CNTNAP5: variants seen among roughly 807,000 people sequenced by gnomAD.
CNTNAP5 encodes the protein contactin associated protein family member 5.
A neutral mutation model predicts 150.2 loss-of-function variants in CNTNAP5; 72 were observed. That is an observed-to-expected ratio of 0.48 (90% confidence interval 0.40 to 0.58). The LOEUF is 0.58. CNTNAP5 is among the 20% of genes least tolerant of loss of function. The pLI is 0.00. For missense variants in CNTNAP5, 1,636 were observed against 1,626.2 expected (o/e 1.01, Z -0.10); for synonymous variants, 672 against 619.8 (o/e 1.08, Z -1.25).
chr2:124,487,087 C>A (rs974428211), intron 7 of CNTNAP5, among the ~76,000 whole-genome samples: 1 of 152,112 alleles, frequency 6.6e-6, no homozygotes, highest in Non-Finnish European at 1.5e-5. Context: ...AACAGTACAT[C>A]CACCCATGGG....
intron 16 of CNTNAP5, among the ~76,000 whole-genome samples, chr2:124,768,151 C>T (rs2104605608): frequency 6.6e-6 from 1 of 152,186 alleles, no homozygotes; most frequent in East Asian, 1.9e-4. Flanking sequence ...GGGAGACAAT[C>T]AATGAGGATT....
intron 7 of CNTNAP5, among the ~76,000 whole-genome samples, chr2:124,477,003 T>G (rs1297774074): frequency 6.6e-6 from 1 of 152,142 alleles, no homozygotes; most frequent in Non-Finnish European, 1.5e-5. Context: ...TTTCTTTTGG[T>G]CCCGAGATTT....
At chr2:124,150,804 T>C (rs532265317) in intron 1 of CNTNAP5, among the ~76,000 whole-genome samples, 68 of 152,280 alleles carry the variant, frequency 4.5e-4, no homozygotes, top group Admixed American at 9.8e-4. Flanking sequence ...TACCATCACA[T>C]TGGGAATTAA....
chr2:124,456,916 A>C (rs549690008), intron 6 of CNTNAP5, among the ~76,000 whole-genome samples: 1 of 152,360 alleles, frequency 6.6e-6, no homozygotes, highest in African/African-American at 2.4e-5. Context: ...AAGTCAACTC[A>C]ATGTGAATTA....
chr2:124,391,477 G>A (rs1196347805), intron 3 of CNTNAP5, among the ~76,000 whole-genome samples: 2 of 152,256 alleles, frequency 1.3e-5, no homozygotes, highest in Non-Finnish European at 2.9e-5. Flanking sequence ...GAAAGCAGCC[G>A]CCTCTCCTCA....
At chr2:124,331,396 A>G (rs1023367344) in intron 3 of CNTNAP5, among the ~76,000 whole-genome samples, 1 of 152,116 alleles carries the variant, frequency 6.6e-6, no homozygotes, top group African/African-American at 2.4e-5. Flanking sequence ...TATGAATAGT[A>G]TATCTATGCA....
intron 1 of CNTNAP5, among the ~76,000 whole-genome samples, chr2:124,073,227 T>C (rs960117506): frequency 6.6e-5 from 10 of 152,024 alleles, no homozygotes; most frequent in African/African-American, 2.4e-4. Context: ...AATTAAAGCC[T>C]TAACTTAAAG....
At chr2:124,871,638 G>T (rs570127959) in intron 21 of CNTNAP5, among the ~76,000 whole-genome samples, 1 of 152,192 alleles carries the variant, frequency 6.6e-6, no homozygotes, top group Non-Finnish European at 1.5e-5. Context: ...TGGCTTCCCC[G>T]GTTGCTACCA....
chr2:124,155,957 C>G (rs895824422), intron 1 of CNTNAP5, among the ~76,000 whole-genome samples: 4 of 152,218 alleles, frequency 2.6e-5, no homozygotes, highest in African/African-American at 4.8e-5. Flanking sequence ...CAAGCCTTTG[C>G]TCCACTGGAG....
At chr2:124,564,904 C>T (rs17320237) in intron 11 of CNTNAP5, among the ~76,000 whole-genome samples, 27,894 of 152,124 alleles carry the variant, frequency 0.18, 3,363 homozygotes, top group Non-Finnish European at 0.26. Flanking sequence ...GTGCAGCCAA[C>T]GCCTGGAGCT....
At chr2:124,361,804 A>G (rs1690207652) in intron 3 of CNTNAP5, among the ~76,000 whole-genome samples, 1 of 152,170 alleles carries the variant, frequency 6.6e-6, no homozygotes, top group African/African-American at 2.4e-5. Context: ...CTACAGAGGC[A>G]GGCAGGCCTC....
intron 19 of CNTNAP5, among the ~76,000 whole-genome samples, chr2:124,801,381 G>A (rs546521467): frequency 1.1e-3 from 170 of 152,238 alleles, no homozygotes; most frequent in African/African-American, 3.8e-3. Context: ...CTAACTAGAA[G>A]GGAGACTTTG....
At position 124,216,007 on chromosome 2, in the gene CNTNAP5, C is replaced by T. The variant is rs541144540; in HGVS notation, c.83-5698C>T. On this transcript the variant is annotated intron_variant, in intron 1 of 23. Transcript: ENST00000682447. The stretch of plus-strand genomic sequence containing the variant: ...ATAATCTTGGGCAGTCCTGTCATCT[C>T]CCTAAGCTCCCCCCAAACCCTTATA... 2.3e-3 allele frequency among the ~76,000 whole-genome samples: 355 copies of T among 152,052 alleles called. 1 individual carries two copies. Among genetic ancestry groups the T allele is most frequent in the Middle Eastern group, 0.02 (6 of 294 alleles).
At position 124,389,620 on chromosome 2, in the gene CNTNAP5, G is replaced by T. The variant is rs563431939; in HGVS notation, c.382-27823G>T. ...AAGGCATGTCTGCCTTCCACAAGTA[G>T]TAGAGATGCAAGTAAATAAAAGAAG... On this transcript the variant is annotated intron_variant, in intron 3 of 23. Transcript: ENST00000682447. 2.6e-5 allele frequency among the ~76,000 whole-genome samples: 4 copies of T among 152,308 alleles called. No homozygotes were observed. In the South Asian group the frequency reaches 8.3e-4, roughly 32 times the overall value.
At chr2:124,626,869 T>G (rs1677734580) in intron 12 of CNTNAP5, among the ~76,000 whole-genome samples, 1 of 151,932 alleles carries the variant, frequency 6.6e-6, no homozygotes, top group Admixed American at 6.6e-5. Flanking sequence ...GAGTTCCCGG[T>G]GGGAGGAGTG....
At chr2:124,304,895 C>A (rs1688644688) in intron 3 of CNTNAP5, among the ~76,000 whole-genome samples, 1 of 151,962 alleles carries the variant, frequency 6.6e-6, no homozygotes. Flanking sequence ...AGCCCTGGCC[C>A]CCAAGGAGTC....
At chr2:124,191,736 G>A (rs1056640162) in intron 1 of CNTNAP5, among the ~76,000 whole-genome samples, 2 of 152,042 alleles carry the variant, frequency 1.3e-5, no homozygotes, top group Admixed American at 6.6e-5. Flanking sequence ...CCAACATGGT[G>A]AAACCTCATC....
At chr2:124,453,927 G>A (rs1374146514) in intron 6 of CNTNAP5, among the ~76,000 whole-genome samples, 4 of 151,910 alleles carry the variant, frequency 2.6e-5, no homozygotes, top group Non-Finnish European at 4.4e-5. Context: ...AAAAAAAAGA[G>A]CCTCTTTAAA....
intron 17 of CNTNAP5, among the ~76,000 whole-genome samples, chr2:124,786,525 GAA>G (rs1222820289): frequency 1.6e-5 from 2 of 123,642 alleles, no homozygotes; most frequent in Non-Finnish European, 3.4e-5. Flanking sequence ...GAAAGAAAGA[GAA>G]AGAAAGGAAA....
Sources: gnomAD v4.1 joint callset for allele counts (sites outside exome capture counted in the v4.1 genomes callset) on GRCh38, gnomAD v4.1.1 for gene constraint, MANE v1.5 for transcripts, NCBI Gene and HGNC (gene_info 2026-07-23, HGNC 2026-07-21) for gene names.